Variants in RPL10A observed in about 807,000 individuals in gnomAD.
The protein encoded by RPL10A is ribosomal protein L10a.
RPL10A carries 11 observed loss-of-function variants against 24.6 expected under a neutral mutation model. The ratio of observed to expected loss-of-function variants is 0.45; its 90% CI spans 0.28 to 0.74. The LOEUF is 0.74. RPL10A is among the 30% of genes least tolerant of loss of function. The probability of loss-of-function intolerance (pLI) is 0.13; values close to 1 mark genes in which losing one functional copy is unlikely to be tolerated. For synonymous variants in RPL10A, 98 were observed against 108.5 expected, an observed-to-expected ratio of 0.90 and a Z score of 0.60; for missense variants, 136 against 273.1, an observed-to-expected ratio of 0.50 and a Z score of 3.54.
At chr6:35,468,709 C>G (rs1767922079) in intron 1 of RPL10A, 90 bp from the exon 2 acceptor site, 3 of 1,538,174 alleles carry the variant, frequency 2.0e-6, no homozygotes, top group Non-Finnish European at 2.6e-6. Flanking sequence ...GGCCGCCCGC[C>G]CGTCTCGAAG....
intron 4 of RPL10A, among the ~76,000 whole-genome samples, chr6:35,469,800 G>A (rs978698220): frequency 6.6e-6 from 1 of 152,186 alleles, no homozygotes; most frequent in Non-Finnish European, 1.5e-5. Flanking sequence ...ACGCTGCGTT[G>A]TTTAGGCAGT....
rs376151925 is a variant in RPL10A, at chr6:35,468,885, C to T, written c.80+12C>T. 4.2e-5 allele frequency: 67 copies of T among 1,613,116 alleles called. No homozygotes were observed. The highest frequency in any genetic ancestry group is 5.3e-5 in the Non-Finnish European group (62 of 1,179,598). ...CGCAAGCGCCGCAAGTGAGTGCCGACCCTGGGGCACGGCGCGGGTGGCGAG... is the reference window on the plus strand; with the variant it reads ...CGCAAGCGCCGCAAGTGAGTGCCGATCCTGGGGCACGGCGCGGGTGGCGAG... On this transcript the variant is annotated intron_variant, in intron 2 of 5. Coordinates refer to ENST00000322203, the MANE Select transcript of RPL10A (RefSeq NM_007104.5).
chr6:35,468,743 C>T (rs1227987546), intron 1 of RPL10A, 56 bp from the exon 2 acceptor site: 1 of 1,551,402 alleles, frequency 6.4e-7, no homozygotes, highest in Non-Finnish European at 8.7e-7. Flanking sequence ...GGCTTCCAGG[C>T]AGTCCGAGCG....
chr6:35,470,773 T>C lies in RPL10A; in HGVS notation c.*23T>C, dbSNP rs750162268. On this transcript the variant is annotated 3_prime_UTR_variant, in exon 6 of 6. Coordinates refer to ENST00000322203, the MANE Select transcript of RPL10A (RefSeq NM_007104.5). The surrounding 1 kb of genome is among the most constrained non-coding windows in gnomAD (Gnocchi z 4.6). ...TAAGGCACATTTGAATAAATTCTAT[T>C]ACCAGTTCCCTCTGTCTGCCTGTGA... 1 of 1,596,120 alleles carries C rather than the reference T, an allele frequency of 6.3e-7. No individual in the cohort carries two copies.
rs1768004424 is a variant in RPL10A, at chr6:35,470,318, G to A, written c.450G>A (p.Glu150=). The change falls in exon 5 of 6, where the codon GAG becomes GAA. Residue 150 remains glutamate (E), a synonymous_variant. Coordinates refer to ENST00000322203, the MANE Select transcript of RPL10A (RefSeq NM_007104.5). The surrounding 1 kb of genome is among the most constrained non-coding windows in gnomAD (Gnocchi z 4.6). The stretch of plus-strand genomic sequence containing the variant: ...AAAACATGGTGGCCAAAGTGGATGA[G>A]GTGAAGTCCACAATCAAGTTCCAAA... ...HNENMVAKVD[E]VKSTIKFQMK... 1 of 1,603,422 alleles carries A rather than the reference G, an allele frequency of 6.2e-7. No homozygotes were observed. The highest frequency in any genetic ancestry group is 1.1e-5 in the South Asian group (1 of 91,068).
chr6:35,468,729 C>T, intron 1 of RPL10A, 70 bp from the exon 2 acceptor site: 2 of 1,547,872 alleles, frequency 1.3e-6, no homozygotes, highest in South Asian at 1.2e-5. Context: ...GCCTAGACCT[C>T]GGAGGCTTCC....
chr6:35,468,868 C>G lies in RPL10A; in HGVS notation c.75C>G (p.Arg25=), dbSNP rs1220251591. The G allele has an allele frequency of 2.5e-6, 4 of 1,612,760 alleles. No individual in the cohort carries two copies. Among genetic ancestry groups the G allele is most frequent in the Non-Finnish European group, 3.4e-6 (4 of 1,179,520 alleles). ...REVLHGNQRK[R]RKFLETVELQ... ...TCCTGCACGGGAACCAGCGCAAGCG[C>G]CGCAAGTGAGTGCCGACCCTGGGGC... Residue 25 remains arginine, a synonymous_variant, in exon 2 of 6, where the codon CGC becomes CGG. Transcript: ENST00000322203.
chr6:35,470,367 G>A lies in RPL10A; in HGVS notation c.483+16G>A, dbSNP rs764350187. 1.4e-5 allele frequency: 22 copies of A among 1,596,686 alleles called. No homozygotes were observed. Among genetic ancestry groups the A allele is most frequent in the East Asian group, 2.2e-5 (1 of 44,768 alleles). On this transcript the variant is annotated intron_variant, in intron 5 of 5. Transcript: ENST00000322203. This position sits in a 1 kb window ranked among gnomAD's most constrained non-coding sequence, Gnocchi z 4.6. ...AATGAAGAAGGTGAGTGGGTCTGGCGGGTTGCTATGGGTGAAGGTGTTGGC... is the reference window on the plus strand; with the variant it reads ...AATGAAGAAGGTGAGTGGGTCTGGCAGGTTGCTATGGGTGAAGGTGTTGGC...
rs1767954851 is a variant in RPL10A at position 35,468,935 on chromosome 6, C to G, written c.81-12C>G. The G allele has an allele frequency of 6.2e-7, 1 of 1,613,952 alleles. No homozygotes were observed. Among genetic ancestry groups the G allele is most frequent in the African/African-American group, 1.3e-5 (1 of 75,032 alleles). On this transcript the variant is annotated splice_polypyrimidine_tract_variant and intron_variant, in intron 2 of 5. Transcript: ENST00000322203. ...GGGCCGGCGGGTGCTTAACCCCCCT[C>G]CTCTCTCGAAGGTTCCTGGAGACGG...
Position 35,470,607 on chromosome 6 carries a change from C to T in RPL10A, c.511C>T (p.His171Tyr). Reference sequence around the variant, plus strand: ...GTTATGTCTGGCTGTAGCTGTTGGTCACGTGAAGATGACAGACGATGAGCT... The same window carrying T: ...GTTATGTCTGGCTGTAGCTGTTGGTTACGTGAAGATGACAGACGATGAGCT... ...KVLCLAVAVGHVKMTDDELVY... is the reference protein window; with the variant it reads ...KVLCLAVAVGYVKMTDDELVY... The change falls in exon 6 of 6, where the codon CAC (histidine) becomes TAC (tyrosine). Residue 171 changes from histidine (H) to tyrosine (Y), a missense_variant. By Grantham distance (83) the His-to-Tyr change is moderately conservative (BLOSUM62 2). This residue lies in a region of RPL10A where 48 missense variants were observed against 105.9 expected (regional missense o/e 0.45). Transcript: ENST00000322203. This position sits in a 1 kb window ranked among gnomAD's most constrained non-coding sequence, Gnocchi z 4.6. 6.2e-7 allele frequency: 1 copy of T among 1,613,910 alleles called. No homozygotes were observed. Among genetic ancestry groups the T allele is most frequent in the Non-Finnish European group, 8.5e-7 (1 of 1,179,870 alleles).
chr6:35,468,531 T>C (rs1016621490), intron 1 of RPL10A, 92 bp downstream of exon 1: 1 of 1,609,580 alleles, frequency 6.2e-7, no homozygotes, highest in Non-Finnish European at 8.5e-7. Context: ...CCGCGGACCC[T>C]TGCGCCACCT....
At chr6:35,469,338 C>A in intron 3 of RPL10A, 43 bp from the exon 4 acceptor site, 1 of 1,543,330 alleles carries the variant, frequency 6.5e-7, no homozygotes, top group Non-Finnish European at 8.7e-7. Flanking sequence ...CCTTGGGACC[C>A]AGGGCTAGGC....
intron 1 of RPL10A, 146 bp from the exon 2 acceptor site, chr6:35,468,653 C>T: frequency 1.3e-6 from 2 of 1,514,360 alleles, no homozygotes; most frequent in East Asian, 2.5e-5. Context: ...GTCTGAGCTC[C>T]CGTCGCTCTA....
Position 35,470,406 on chromosome 6 carries a change from T to C in RPL10A, c.483+55T>C. 1.3e-6 allele frequency: 2 copies of C among 1,562,518 alleles called. No homozygotes were observed. Among genetic ancestry groups the C allele is most frequent in the Non-Finnish European group, 1.7e-6 (2 of 1,153,458 alleles). On this transcript the variant is annotated intron_variant, in intron 5 of 5. Transcript: ENST00000322203. The surrounding 1 kb of genome is among the most constrained non-coding windows in gnomAD (Gnocchi z 4.6). ...GAAGGTGTTGGCAGGGTCTAAATCT[T>C]ATCCAAGTCTCTAAATATGCCAGTA...
rs1349633142 is a variant in RPL10A, at chr6:35,470,075, G to A, written c.311-104G>A. On this transcript the variant is annotated intron_variant, in intron 4 of 5. Transcript: ENST00000322203. This position sits in a 1 kb window ranked among gnomAD's most constrained non-coding sequence, Gnocchi z 4.6. ...GTCTTAGAGAGGGTGCTGCTTGGAG[G>A]TCACTTACATGATTGATTCAAGTGC... The A allele has an allele frequency of 3.8e-6, 4 of 1,060,240 alleles. No homozygotes were observed. The Admixed American group carries it at 8.9e-5, about 24-fold the overall frequency. The allele number at this position is 1,060,240 out of a possible 1,614,324, so 65.7% of individuals were successfully genotyped here.
Position 35,470,199 on chromosome 6 carries a change from T to C in RPL10A, c.331T>C (p.Leu111=). The change falls in exon 5 of 6, where the codon TTG becomes CTG. Residue 111 remains leucine (L), a synonymous_variant. Coordinates refer to ENST00000322203, the MANE Select transcript of RPL10A (RefSeq NM_007104.5). This position sits in a 1 kb window ranked among gnomAD's most constrained non-coding sequence, Gnocchi z 4.6. The part of the protein sequence containing the change: ...KKLAKKYDAF[L]ASESLIKQIP... Reference sequence around the variant, plus strand: ...ATCAGCCAAGAAGTATGATGCGTTTTTGGCCTCAGAGTCTCTGATCAAGCA... The same window carrying C: ...ATCAGCCAAGAAGTATGATGCGTTTCTGGCCTCAGAGTCTCTGATCAAGCA... 1 of 1,613,532 alleles carries C rather than the reference T, an allele frequency of 6.2e-7. No individual in the cohort carries two copies. The highest frequency in any genetic ancestry group is 8.5e-7 in the Non-Finnish European group (1 of 1,179,742).
Position 35,470,364 on chromosome 6 carries a change from G to C in RPL10A, c.483+13G>C, listed in dbSNP as rs1380944601. ...CCAAATGAAGAAGGTGAGTGGGTCT[G>C]GCGGGTTGCTATGGGTGAAGGTGTT... On this transcript the variant is annotated intron_variant, in intron 5 of 5. Coordinates refer to ENST00000322203, the MANE Select transcript of RPL10A (RefSeq NM_007104.5). The surrounding 1 kb of genome is among the most constrained non-coding windows in gnomAD (Gnocchi z 4.6). 1 of 1,598,482 alleles carries C rather than the reference G, an allele frequency of 6.3e-7. No homozygotes were observed. The highest frequency in any genetic ancestry group is 1.1e-5 in the South Asian group (1 of 90,868).
chr6:35,468,663 A>G, intron 1 of RPL10A, 136 bp from the exon 2 acceptor site: 18 of 1,516,104 alleles, frequency 1.2e-5, no homozygotes, highest in Non-Finnish European at 9.7e-6. Context: ...CCGTCGCTCT[A>G]CTTGGTGTCC....
chr6:35,468,439 G>A lies in RPL10A; in HGVS notation c.5G>A (p.Ser2Asn). The A allele has an allele frequency of 6.2e-7, 1 of 1,614,074 alleles. No individual in the cohort carries two copies. Among genetic ancestry groups the A allele is most frequent in the Non-Finnish European group, 8.5e-7 (1 of 1,179,940 alleles). Residue 2 changes from serine to asparagine, a missense_variant and splice_region_variant, in exon 1 of 6, where the codon AGC becomes AAC. This residue lies in a region of RPL10A where 88 missense variants were observed against 149.2 expected (regional missense o/e 0.59). Coordinates refer to ENST00000322203, the MANE Select transcript of RPL10A (RefSeq NM_007104.5). Reference sequence around the variant, plus strand: ...GTTAGCGCGGCGTGAGAAGCCATGAGGTGAGTTGGTCCTGAAAGCCCTATC... The same window carrying A: ...GTTAGCGCGGCGTGAGAAGCCATGAAGTGAGTTGGTCCTGAAAGCCCTATC... M[S>N]SKVSRDTLYE... is the part of the protein sequence containing the mutation.
Sources: allele counts gnomAD v4.1 joint callset (sites outside exome capture counted in the v4.1 genomes callset), GRCh38; gene constraint gnomAD v4.1.1; regional missense constraint gnomAD v4.1.1; non-coding constraint Gnocchi (gnomAD v3.1); transcripts MANE v1.5; gene names NCBI Gene and HGNC (gene_info 2026-07-23, HGNC 2026-07-21).